HORMAD2: variants seen among roughly 807,000 people sequenced by gnomAD.
HORMAD2 encodes HORMA domain-containing protein 2.
Under a neutral mutation model 38.8 loss-of-function variants are expected in HORMAD2, and 45 were observed. The observed-to-expected ratio is 1.16, with a 90% CI of 0.91 to 1.49. The LOEUF (loss-of-function observed/expected upper bound fraction) is 1.49, where lower values mean the gene tolerates loss of function less well. HORMAD2 is among the 40% of genes most tolerant of loss of function. The pLI is 0.00. For missense variants in HORMAD2, 338 were observed against 367.0 expected (o/e 0.92, Z 0.65); for synonymous variants, 126 against 122.8 (o/e 1.03, Z -0.17).
At chr22:30,083,567 C>A (rs903874453) in intron 1 of HORMAD2, among the ~76,000 whole-genome samples, 2 of 152,142 alleles carry the variant, frequency 1.3e-5, no homozygotes, top group Admixed American at 1.3e-4. Flanking sequence ...CCACAAAACA[C>A]CTGCTCAAAG....
At chr22:30,197,115 G>C in the HORMAD2 span, among the ~76,000 whole-genome samples, 2 of 152,092 alleles carry the variant, frequency 1.3e-5, no homozygotes, top group Non-Finnish European at 2.9e-5. Context: ...TTTTTGGGCA[G>C]GCTTTTCCCT....
chr22:30,086,124 T>A lies in HORMAD2; in HGVS notation c.-38+5633T>A, dbSNP rs558951446. Among the ~76,000 whole-genome samples, 5 of 152,260 alleles carry A rather than the reference T, an allele frequency of 3.3e-5. No homozygotes were observed. The South Asian group carries it at 1.0e-3, about 32-fold the overall frequency. On this transcript the variant is annotated intron_variant, in intron 1 of 10. Coordinates refer to ENST00000336726, the MANE Select transcript of HORMAD2 (RefSeq NM_152510.4). ...TATGAGTTCTCATGAGATCTGGTTGTTTAAAAGTGTGTAGCACCTCCCCTT... is the reference window on the plus strand; with the variant it reads ...TATGAGTTCTCATGAGATCTGGTTGATTAAAAGTGTGTAGCACCTCCCCTT...
At chr22:30,160,988 T>G (rs189006961) in intron 10 of HORMAD2, among the ~76,000 whole-genome samples, 10 of 152,334 alleles carry the variant, frequency 6.6e-5, no homozygotes, top group Non-Finnish European at 1.3e-4. Flanking sequence ...GGTTTTCTAT[T>G]TCTCTTCAAT....
chr22:30,102,897 T>C (rs1920962158), intron 3 of HORMAD2, among the ~76,000 whole-genome samples: 1 of 152,166 alleles, frequency 6.6e-6, no homozygotes. Flanking sequence ...CCCAAAGTGC[T>C]GGGATTACAG....
At position 30,121,751 on chromosome 22, in the gene HORMAD2, ATGT is replaced by A. The variant is rs911597533; in HGVS notation, c.534_536del (p.Val179del). The A allele has an allele frequency of 4.0e-5, 65 of 1,612,636 alleles. No individual in the cohort carries two copies. Among genetic ancestry groups the A allele is most frequent in the Non-Finnish European group, 5.3e-5 (62 of 1,179,354 alleles). On this transcript the variant is annotated inframe_deletion, in exon 9 of 11. Coordinates refer to ENST00000336726, the MANE Select transcript of HORMAD2 (RefSeq NM_152510.4). ...CAGGACCTTGAGCCACTTCCTAATA[ATGT>A]TGTACTTACTATGAAACTCCACTAC... is the stretch of plus-strand genomic sequence containing the variant.
chr22:30,111,664 C>A, intron 5 of HORMAD2, 132 bp from the exon 6 acceptor site: 1 of 645,664 alleles, frequency 1.5e-6, no homozygotes, highest in Non-Finnish European at 2.6e-6. Context: ...TTCTTCTGGC[C>A]TTCTGGATAT....
chr22:30,119,711 G>A (rs111779024), intron 8 of HORMAD2, among the ~76,000 whole-genome samples: 1,556 of 152,244 alleles, frequency 0.01, 29 homozygotes, highest in African/African-American at 0.035. Flanking sequence ...TACAGATGAT[G>A]GTGAAAAGCT....
intron 1 of HORMAD2, among the ~76,000 whole-genome samples, chr22:30,090,261 G>A (rs1280142749): frequency 6.6e-6 from 1 of 152,156 alleles, no homozygotes; most frequent in Non-Finnish European, 1.5e-5. Flanking sequence ...TACTCGAGAG[G>A]CTGAGGTGGG....
At chr22:30,206,852 G>C in the HORMAD2 span, 3 of 318,610 alleles carry the variant, frequency 9.4e-6, no homozygotes, top group African/African-American at 6.6e-5. Context: ...CTGAGCCCAG[G>C]CTTCCACCAG....
At chr22:30,083,186 G>A (rs1289598386) in intron 1 of HORMAD2, among the ~76,000 whole-genome samples, 1 of 152,208 alleles carries the variant, frequency 6.6e-6, no homozygotes, top group Non-Finnish European at 1.5e-5. Flanking sequence ...AGGATCACTT[G>A]AGCCCAGGAG....
At chr22:30,162,977 C>T (rs753856861) in intron 10 of HORMAD2, among the ~76,000 whole-genome samples, 7 of 152,146 alleles carry the variant, frequency 4.6e-5, no homozygotes, top group Non-Finnish European at 8.8e-5. Flanking sequence ...GTTGGGATTA[C>T]AGGCGTGAGC....
At position 30,176,252 on chromosome 22, in the gene HORMAD2, T is replaced by A; in HGVS notation, c.*85T>A. 1.1e-6 allele frequency: 1 copy of A among 931,626 alleles called. No homozygotes were observed. The highest frequency in any genetic ancestry group is 1.6e-6 in the Non-Finnish European group (1 of 625,568). 57.7% of individuals were successfully genotyped at this position (931,626 alleles called of 1,614,324 possible). A position where few individuals can be genotyped will look rare whatever the true frequency, so the allele number is the denominator to read the frequency against. On this transcript the variant is annotated 3_prime_UTR_variant, in exon 11 of 11. Coordinates refer to ENST00000336726, the MANE Select transcript of HORMAD2 (RefSeq NM_152510.4). ...AAACTGTCTTAGCAGGAAAGTACAT[T>A]CCTGTTACCAAAACCTTTTTCTAAA...
At chr22:30,153,881 C>A (rs1214920896) in intron 10 of HORMAD2, among the ~76,000 whole-genome samples, 1 of 152,208 alleles carries the variant, frequency 6.6e-6, no homozygotes, top group Non-Finnish European at 1.5e-5. Context: ...TATTTCAAAT[C>A]TGGCCACTTC....
At chr22:30,122,957 A>G (rs544856237) in intron 10 of HORMAD2, among the ~76,000 whole-genome samples, 2 of 152,298 alleles carry the variant, frequency 1.3e-5, no homozygotes, top group South Asian at 4.1e-4. Flanking sequence ...ATGCTATAAG[A>G]TCTTTTCAGG....
At chr22:30,137,924 A>G (rs894601038) in intron 10 of HORMAD2, among the ~76,000 whole-genome samples, 2 of 152,170 alleles carry the variant, frequency 1.3e-5, no homozygotes, top group Non-Finnish European at 2.9e-5. Flanking sequence ...ATTTTCTTGG[A>G]TATATACCTA....
At chr22:30,189,135 G>A in the HORMAD2 span, among the ~76,000 whole-genome samples, 19 of 151,654 alleles carry the variant, frequency 1.3e-4, 1 homozygote, top group East Asian at 2.9e-3. Flanking sequence ...TCATTAACCC[G>A]AAAACTAAGG....
At chr22:30,108,838 G>A (rs958621928) in intron 5 of HORMAD2, among the ~76,000 whole-genome samples, 1 of 152,160 alleles carries the variant, frequency 6.6e-6, no homozygotes, top group Admixed American at 6.6e-5. Flanking sequence ...TGGCCACACA[G>A]TGGCAGTAAA....
At chr22:30,140,225 G>A (rs1174635528) in intron 10 of HORMAD2, among the ~76,000 whole-genome samples, 1 of 151,986 alleles carries the variant, frequency 6.6e-6, no homozygotes, top group African/African-American at 2.4e-5. Flanking sequence ...GATAGCGCCA[G>A]TGCACTCCAG....
chr22:30,101,998 G>T (rs528375830), intron 3 of HORMAD2, among the ~76,000 whole-genome samples: 1 of 152,018 alleles, frequency 6.6e-6, no homozygotes, highest in Non-Finnish European at 1.5e-5. Flanking sequence ...AGCCTGGGGG[G>T]TTAAGGCTAC....
Sources: gnomAD v4.1 joint callset for allele counts (sites outside exome capture counted in the v4.1 genomes callset) on GRCh38, gnomAD v4.1.1 for gene constraint, MANE v1.5 for transcripts, NCBI Gene and HGNC (gene_info 2026-07-23, HGNC 2026-07-21) for gene names.